TCF12: variants seen among roughly 807,000 people sequenced by gnomAD.
TCF12 encodes DNA-binding protein HTF4.
A neutral mutation model predicts 86.0 loss-of-function variants in TCF12; 45 were observed. That is an observed-to-expected ratio of 0.52 (90% confidence interval 0.41 to 0.67). TCF12 has a LOEUF of 0.67. Ranked by LOEUF, TCF12 falls within the 30% of genes least tolerant of loss-of-function variation. The pLI is 0.00. For synonymous variants in TCF12, 330 were observed against 299.6 expected, an observed-to-expected ratio of 1.10 and a Z score of -1.05; for missense variants, 881 against 859.9, an observed-to-expected ratio of 1.02 and a Z score of -0.31.
At chr15:57,107,701 C>T (rs2050226589) in intron 5 of TCF12, among the ~76,000 whole-genome samples, 1 of 151,698 alleles carries the variant, frequency 6.6e-6, no homozygotes. Context: ...CCTGGGTAAC[C>T]TAAGGAGACC....
chr15:56,938,843 C>T (rs147226798), intron 3 of TCF12, among the ~76,000 whole-genome samples: 75 of 152,258 alleles, frequency 4.9e-4, no homozygotes, highest in African/African-American at 1.8e-3. Context: ...CAGTCCATAA[C>T]ACAGTCCATT....
chr15:56,920,455 AAC>A (rs1452926386), intron 2 of TCF12, among the ~76,000 whole-genome samples: 1 of 149,460 alleles, frequency 6.7e-6, no homozygotes, highest in South Asian at 2.1e-4. Flanking sequence ...AGCCTTCTGA[AAC>A]AGAGTACTTT....
intron 3 of TCF12, among the ~76,000 whole-genome samples, chr15:57,054,407 A>G (rs1379605016): frequency 1.3e-5 from 2 of 152,186 alleles, no homozygotes; most frequent in Non-Finnish European, 2.9e-5. Context: ...GCACTTTCAC[A>G]TTGGTATAGT....
intron 8 of TCF12, among the ~76,000 whole-genome samples, chr15:57,222,377 A>G (rs1348795753): frequency 1.3e-5 from 2 of 151,958 alleles, no homozygotes; most frequent in African/African-American, 4.8e-5. Context: ...ATTCTTGGAT[A>G]TGTAACAGAC....
At chr15:57,274,776 G>C (rs892808496) in intron 19 of TCF12, among the ~76,000 whole-genome samples, 4 of 152,096 alleles carry the variant, frequency 2.6e-5, no homozygotes, top group African/African-American at 7.2e-5. Context: ...TTACTGTCTG[G>C]TCAACAGGAG....
chr15:57,060,598 A>G (rs1048524725), intron 3 of TCF12, among the ~76,000 whole-genome samples: 2 of 152,226 alleles, frequency 1.3e-5, no homozygotes, highest in African/African-American at 4.8e-5. Context: ...TCAAGGAACT[A>G]ACTTCTCTGA....
chr15:57,023,550 C>T (rs1368923005), intron 3 of TCF12, among the ~76,000 whole-genome samples: 2 of 152,064 alleles, frequency 1.3e-5, no homozygotes, highest in African/African-American at 4.8e-5. Flanking sequence ...TATATTGGTT[C>T]CCAAACCTCT....
chr15:57,192,120 G>A lies in TCF12; in HGVS notation c.391-38G>A, dbSNP rs751334054. The A allele has an allele frequency of 6.8e-6, 11 of 1,608,290 alleles. No homozygotes were observed. In the East Asian group the frequency reaches 2.5e-4, roughly 36 times the overall value. ...AATTTTCAGGTTTGGGTCAGTATCA[G>A]CAGGAAAATAACTTGTTTCCTTGGC... On this transcript the variant is annotated intron_variant, in intron 6 of 20. Coordinates refer to ENST00000333725, the MANE Select transcript of TCF12 (RefSeq NM_207037.2).
chr15:56,981,701 G>A (rs1462004867), intron 3 of TCF12, among the ~76,000 whole-genome samples: 1 of 152,144 alleles, frequency 6.6e-6, no homozygotes, highest in Non-Finnish European at 1.5e-5. Flanking sequence ...ATAGCCTTTT[G>A]TTGACCAGAA....
At chr15:56,987,207 G>A (rs563500547) in intron 3 of TCF12, among the ~76,000 whole-genome samples, 4 of 152,174 alleles carry the variant, frequency 2.6e-5, no homozygotes, top group African/African-American at 9.6e-5. Context: ...CACCTCCTGG[G>A]TTCAAGCGAT....
intron 5 of TCF12, among the ~76,000 whole-genome samples, chr15:57,156,559 A>G (rs1253425579): frequency 6.6e-6 from 1 of 152,198 alleles, no homozygotes; most frequent in Non-Finnish European, 1.5e-5. Context: ...CTGGCTAATT[A>G]ACAATCATTT....
At chr15:57,147,954 C>A (rs2053477119) in intron 5 of TCF12, among the ~76,000 whole-genome samples, 1 of 150,248 alleles carries the variant, frequency 6.7e-6, no homozygotes, top group African/African-American at 2.5e-5. Context: ...GGTCATAGCT[C>A]ATTTCAGCCT....
At chr15:57,169,855 T>G (rs1358033068) in intron 6 of TCF12, among the ~76,000 whole-genome samples, 3 of 152,256 alleles carry the variant, frequency 2.0e-5, no homozygotes, top group African/African-American at 7.2e-5. Context: ...CAATAAGTTC[T>G]ATTAATGTAA....
chr15:57,197,979 C>T (rs1465202390), intron 8 of TCF12, among the ~76,000 whole-genome samples, 154 bp downstream of exon 8: 1 of 152,108 alleles, frequency 6.6e-6, no homozygotes, highest in African/African-American at 2.4e-5. Context: ...TGAGGTAAAT[C>T]CACATTTAAT....
intron 3 of TCF12, among the ~76,000 whole-genome samples, chr15:56,929,114 T>G (rs368718275): frequency 2.0e-5 from 3 of 152,338 alleles, no homozygotes. Context: ...GTTCTAAAGT[T>G]GCATCATTTT....
At chr15:57,247,535 A>G (rs2059919605) in intron 13 of TCF12, 12 of 906,144 alleles carry the variant, frequency 1.3e-5, no homozygotes, top group South Asian at 1.2e-4. Flanking sequence ...ATCAAAAGTT[A>G]TAAAAGCAAA....
At chr15:57,077,327 ATGTGTGTGTGTGTG>A (rs1172206511) in intron 4 of TCF12, among the ~76,000 whole-genome samples, 19 of 25,702 alleles carry the variant, frequency 7.4e-4, no homozygotes, top group East Asian at 1.2e-3. Flanking sequence ...ATGTATATAT[ATGTGTGTGTGTGTG>A]TGTGTGTGTG....
intron 8 of TCF12, among the ~76,000 whole-genome samples, chr15:57,204,493 G>A (rs1007179444): frequency 6.6e-6 from 1 of 151,956 alleles, no homozygotes; most frequent in Admixed American, 6.6e-5. Context: ...AGAAAGTGGT[G>A]CCTTTCTTTC....
At chr15:57,224,802 G>A (rs1308962268) in intron 8 of TCF12, among the ~76,000 whole-genome samples, 5 of 152,156 alleles carry the variant, frequency 3.3e-5, no homozygotes, top group Non-Finnish European at 5.9e-5. Flanking sequence ...CTTCCGTGGA[G>A]ATGGCTTGTA....
Sources: gnomAD v4.1 joint callset for allele counts (sites outside exome capture counted in the v4.1 genomes callset) on GRCh38, gnomAD v4.1.1 for gene constraint, MANE v1.5 for transcripts, NCBI Gene and HGNC (gene_info 2026-07-23, HGNC 2026-07-21) for gene names.